The following MCF2L variants were observed in gnomAD, a reference collection of about 807,000 sequenced individuals.
MCF2L encodes guanine nucleotide exchange factor DBS.
A neutral mutation model predicts 153.4 loss-of-function variants in MCF2L; 97 were observed. The ratio of observed to expected loss-of-function variants is 0.63; its 90% CI spans 0.54 to 0.75. MCF2L has a LOEUF of 0.75. Ranked by LOEUF, MCF2L falls within the 30% of genes least tolerant of loss-of-function variation. The pLI is 0.00. For synonymous variants in MCF2L, 659 were observed against 632.2 expected (o/e 1.04, Z -0.64); for missense variants, 1,347 against 1,495.2 (o/e 0.90, Z 1.64).
chr13:112,970,065 T>TG (rs2081987010), intron 1 of MCF2L, among the ~76,000 whole-genome samples: 1 of 152,180 alleles, frequency 6.6e-6, no homozygotes, highest in African/African-American at 2.4e-5. Flanking sequence ...AAGCAGAGAC[T>TG]GGGCTGACAG....
At chr13:112,899,993 C>T (rs545763867) in intron 1 of MCF2L, among the ~76,000 whole-genome samples, 48 of 152,290 alleles carry the variant, frequency 3.2e-4, no homozygotes, top group Non-Finnish European at 5.7e-4. Flanking sequence ...GCCCTCATGC[C>T]TGGTGTCTAC....
chr13:112,930,797 C>G (rs1279096913), intron 2 of MCF2L, among the ~76,000 whole-genome samples: 1 of 152,080 alleles, frequency 6.6e-6, no homozygotes, highest in Non-Finnish European at 1.5e-5. Context: ...ATTAGCCAGG[C>G]ATGGTGGAGC....
chr13:112,900,479 G>A (rs1469535947), intron 1 of MCF2L, among the ~76,000 whole-genome samples: 2 of 152,254 alleles, frequency 1.3e-5, no homozygotes, highest in Non-Finnish European at 2.9e-5. Context: ...GCCAGGACGT[G>A]TAACAAGTTC....
At position 112,916,812 on chromosome 13, in the gene MCF2L, C is replaced by A. The variant is rs2081297093; in HGVS notation, c.169+14441C>A. ...TCGCCCCCAAGGCCTCTTCCCCATCCTCACTTCTAATGGGTGGACTGGATT... is the reference window on the plus strand; with the variant it reads ...TCGCCCCCAAGGCCTCTTCCCCATCATCACTTCTAATGGGTGGACTGGATT... On this transcript the variant is annotated intron_variant, in intron 2 of 29. Coordinates refer to the MCF2L transcript ENST00000375608. Among the ~76,000 whole-genome samples the A allele has an allele frequency of 2.6e-5, 4 of 152,268 alleles. No individual in the cohort carries two copies. The South Asian group carries it at 8.3e-4, about 32-fold the overall frequency.
intron 2 of MCF2L, among the ~76,000 whole-genome samples, chr13:112,934,647 G>T (rs71446669): frequency 0.17 from 25,614 of 150,890 alleles, 2,242 homozygotes; most frequent in South Asian, 0.21. Context: ...TGTGCTGCCC[G>T]TTCTCAGCCG....
chr13:112,989,423 GACAT>G (rs2082805748), intron 1 of MCF2L, among the ~76,000 whole-genome samples: 1 of 87,844 alleles, frequency 1.1e-5, no homozygotes, highest in East Asian at 3.3e-4. Context: ...CCCTGAGCAG[GACAT>G]GGAGCTACCA....
chr13:113,044,125 G>GTGCCCAC (rs1448523997), intron 3 of MCF2L: 1 of 171,582 alleles, frequency 5.8e-6, no homozygotes, highest in East Asian at 1.4e-4. Flanking sequence ...CACGTGCTTA[G>GTGCCCAC]TGCCCACTGC....
intron 2 of MCF2L, among the ~76,000 whole-genome samples, chr13:112,939,229 C>T (rs994897537): frequency 1.3e-5 from 2 of 152,164 alleles, no homozygotes; most frequent in Non-Finnish European, 2.9e-5. Context: ...AAAAGGTCTC[C>T]TTGGCATCTG....
At position 113,074,031 on chromosome 13, in the gene MCF2L, T is replaced by C. The variant is rs9549657; in HGVS notation, c.997-413T>C. Among the ~76,000 whole-genome samples the C allele has an allele frequency of 0.19, 29,348 of 152,116 alleles. 3,515 individuals are homozygous for C. The highest frequency in any genetic ancestry group is 0.45 in the East Asian group (2,350 of 5,180). On this transcript the variant is annotated intron_variant, in intron 9 of 29. Coordinates refer to ENST00000535094, the MANE Select transcript of MCF2L (RefSeq NM_001112732.3). The surrounding 1 kb of genome is among the most constrained non-coding windows in gnomAD (Gnocchi z 4.2). ...TAGTAGCAAGCTAGAAGGGACTGAG[T>C]TACATAACTCTCCACACCTAGGATC...
intron 2 of MCF2L, among the ~76,000 whole-genome samples, chr13:112,953,710 C>T (rs953711442): frequency 2.0e-5 from 3 of 152,212 alleles, no homozygotes; most frequent in African/African-American, 7.2e-5. Flanking sequence ...CACCTGAGGC[C>T]AGGCCTGCCT....
intron 4 of MCF2L, among the ~76,000 whole-genome samples, chr13:113,058,500 G>A (rs2030702363): frequency 6.7e-6 from 1 of 149,658 alleles, no homozygotes; most frequent in Admixed American, 6.6e-5. Context: ...GGTGCTGAGT[G>A]GTGGGAGCTG....
intron 18 of MCF2L, chr13:113,084,417 G>A: frequency 5.8e-6 from 2 of 347,082 alleles, no homozygotes; most frequent in Non-Finnish European, 1.0e-5. Flanking sequence ...TCTGAGCCCT[G>A]TGCCTTAAAA....
At chr13:113,059,310 C>A (rs1254209785) in intron 4 of MCF2L, among the ~76,000 whole-genome samples, 1 of 152,200 alleles carries the variant, frequency 6.6e-6, no homozygotes, top group Non-Finnish European at 1.5e-5. Flanking sequence ...AACCTCAGGG[C>A]CCTCTTCTTA....
chr13:112,988,921 GCCC>G (rs2082774118), intron 1 of MCF2L, among the ~76,000 whole-genome samples: 2 of 112,786 alleles, frequency 1.8e-5, no homozygotes, highest in Non-Finnish European at 1.8e-5. Context: ...GAGCTACCAC[GCCC>G]GAGTCCTCCC....
At chr13:113,076,974 C>T in intron 12 of MCF2L, 78 bp from the exon 13 acceptor site, 1 of 1,478,462 alleles carries the variant, frequency 6.8e-7, no homozygotes, top group South Asian at 1.3e-5. Flanking sequence ...CGTGCCCCGG[C>T]ACGTTCTGCG....
chr13:112,996,846 A>G (rs7988967), intron 1 of MCF2L, among the ~76,000 whole-genome samples: 35,025 of 152,130 alleles, frequency 0.23, 4,322 homozygotes, highest in Middle Eastern at 0.27. Context: ...TGTTGTCTGC[A>G]TCTGTGCACA....
At chr13:113,066,966 G>C (rs2032469697) in intron 8 of MCF2L, among the ~76,000 whole-genome samples, 1 of 152,250 alleles carries the variant, frequency 6.6e-6, no homozygotes, top group Non-Finnish European at 1.5e-5. Context: ...GACATGCCAA[G>C]GGCCCCGGGG....
At chr13:112,903,262 C>T (rs1300741953) in intron 2 of MCF2L, among the ~76,000 whole-genome samples, 1 of 152,222 alleles carries the variant, frequency 6.6e-6, no homozygotes, top group African/African-American at 2.4e-5. Context: ...AAATCTGGTG[C>T]TTTTCTGGGC....
At chr13:112,975,141 G>C (rs2082171398) in intron 1 of MCF2L, among the ~76,000 whole-genome samples, 1 of 152,220 alleles carries the variant, frequency 6.6e-6, no homozygotes. Flanking sequence ...TGTGGAGAAA[G>C]AAGCATCTGT....
Sources: gnomAD v4.1 joint callset for allele counts (sites outside exome capture counted in the v4.1 genomes callset) on GRCh38, gnomAD v4.1.1 for gene constraint, Gnocchi (gnomAD v3.1) non-coding constraint, MANE v1.5 for transcripts, NCBI Gene and HGNC (gene_info 2026-07-23, HGNC 2026-07-21) for gene names.